PATL1: variants seen among roughly 807,000 people sequenced by gnomAD.
PATL1 encodes the protein PAT1 homolog 1, processing body mRNA decay factor, also known as protein PAT1 homolog 1.
PATL1 carries 32 observed loss-of-function variants against 100.6 expected under a neutral mutation model. The ratio of observed to expected loss-of-function variants is 0.32; its 90% CI spans 0.24 to 0.43. The LOEUF is 0.43. PATL1 is among the 20% of genes least tolerant of loss of function. The pLI is 1.00. For synonymous variants in PATL1, 332 were observed against 330.0 expected (o/e 1.01, Z -0.07); for missense variants, 747 against 949.9 (o/e 0.79, Z 2.81).
At chr11:59,668,747 G>T in intron 1 of PATL1, 134 bp downstream of exon 1, 1 of 484,154 alleles carries the variant, frequency 2.1e-6, no homozygotes, top group Non-Finnish European at 3.8e-6. Flanking sequence ...CAGACCAGTC[G>T]CGTCCAGCTA....
At chr11:59,661,397 G>A (rs1861622600) in intron 2 of PATL1, among the ~76,000 whole-genome samples, 1 of 147,500 alleles carries the variant, frequency 6.8e-6, no homozygotes, top group Non-Finnish European at 1.5e-5. Context: ...TTCTTTTCAG[G>A]TATTCAAATG....
chr11:59,663,192 A>C (rs1861649483), intron 2 of PATL1, among the ~76,000 whole-genome samples: 2 of 152,206 alleles, frequency 1.3e-5, no homozygotes, highest in South Asian at 2.1e-4. Context: ...AAATGAAGGG[A>C]AAGAGATTAT....
At position 59,647,734 on chromosome 11, in the gene PATL1, G is replaced by A. The variant is rs748420316; in HGVS notation, c.1893+20C>T. Reference sequence around the variant, plus strand: ...ACTTATAAAGACTCAAAAGAAAGATGTCCCATCTTGCATAGTCACCTCATC... The same window carrying A: ...ACTTATAAAGACTCAAAAGAAAGATATCCCATCTTGCATAGTCACCTCATC... On this transcript the variant is annotated intron_variant, in intron 15 of 18. Transcript: ENST00000300146. 10 of 1,611,978 alleles carry A rather than the reference G, an allele frequency of 6.2e-6. No homozygotes were observed. The East Asian group carries it at 1.8e-4, about 29-fold the overall frequency.
intron 18 of PATL1, among the ~76,000 whole-genome samples, chr11:59,638,680 CTTT>C (rs1217569003): frequency 6.6e-6 from 1 of 150,402 alleles, no homozygotes; most frequent in Non-Finnish European, 1.5e-5. Context: ...ATCATAACTT[CTTT>C]TTATTTATTT....
In PATL1 at chr11:59,658,896, C is replaced by G; in HGVS notation, c.396G>C (p.Leu132=). The G allele has an allele frequency of 6.5e-7, 1 of 1,549,836 alleles. No individual in the cohort carries two copies. The highest frequency in any genetic ancestry group is 1.2e-5 in the South Asian group (1 of 83,594). The stretch of plus-strand genomic sequence containing the variant: ...CAAGCAGTGGTCCTCGGATTCGCCT[C>G]AGAACTTCAGATCCATCCCAGATAC... The part of the protein sequence containing the change: ...NSSIWDGSEV[L]RRIRGPLLAQ... Residue 132 remains leucine (L), a synonymous_variant, in exon 4 of 19, where the codon CTG becomes CTC. Transcript: ENST00000300146.
rs775032839 is a variant in PATL1, at chr11:59,638,395, G to T, written c.2308C>A (p.Arg770=). 2 of 1,612,208 alleles carry T rather than the reference G, an allele frequency of 1.2e-6. No homozygotes were observed. The highest frequency in any genetic ancestry group is 3.3e-5 in the Admixed American group (2 of 59,914). The part of the protein sequence containing the change: ...ETKLQLVQGI[R] ...AGGACACATTTGGAGATCTTTTATC[G>T]TATCCCCTGAACTAGCCTAGGAGTA... Residue 770 remains arginine (R), a synonymous_variant, in exon 19 of 19, where the codon CGA becomes AGA. Coordinates refer to ENST00000300146, the MANE Select transcript of PATL1 (RefSeq NM_152716.3).
At chr11:59,648,661 CCTTGA>C (rs2134744466) in intron 14 of PATL1, among the ~76,000 whole-genome samples, 1 of 151,852 alleles carries the variant, frequency 6.6e-6, no homozygotes, top group African/African-American at 2.4e-5. Flanking sequence ...TGGTTTTGTA[CCTTGA>C]CTTTTTTCAC....
Position 59,638,520 on chromosome 11 carries a change from G to A in PATL1, c.2292-109C>T, listed in dbSNP as rs1037151085. On this transcript the variant is annotated intron_variant, in intron 18 of 18. Coordinates refer to ENST00000300146, the MANE Select transcript of PATL1 (RefSeq NM_152716.3). ...TAAGACTTCTCATAACAAAATACCC[G>A]AGATTATTTCTCTACCCTTAGCATT... 14 of 1,038,110 alleles carry A rather than the reference G, an allele frequency of 1.3e-5. 1 individual carries two copies. The highest frequency in any genetic ancestry group is 1.0e-4 in the Admixed American group (5 of 50,094). 64.3% of individuals were successfully genotyped at this position (1,038,110 alleles called of 1,614,324 possible).
At position 59,652,986 on chromosome 11, in the gene PATL1, C is replaced by T; in HGVS notation, c.1154G>A (p.Arg385Lys). The T allele has an allele frequency of 6.2e-7, 1 of 1,613,938 alleles. No homozygotes were observed. The highest frequency in any genetic ancestry group is 8.5e-7 in the Non-Finnish European group (1 of 1,179,866). The change falls in exon 10 of 19, where the codon AGA becomes AAA. Residue 385 changes from arginine to lysine, a missense_variant. This residue lies in a region of PATL1 where 434 missense variants were observed against 596.1 expected (regional missense o/e 0.73). Coordinates refer to ENST00000300146, the MANE Select transcript of PATL1 (RefSeq NM_152716.3). ...TTGATGACTGCTCCGGTGACTTCCT[C>T]TATCTCCCGCACCATTGAGATTCCG... is the stretch of plus-strand genomic sequence containing the variant. Reference protein sequence around the residue: ...QHRNLNGAGDRGSHRSSHQDH... With the variant: ...QHRNLNGAGDKGSHRSSHQDH...
At chr11:59,656,117 G>A in intron 6 of PATL1, 72 bp from the exon 7 acceptor site, 1 of 849,860 alleles carries the variant, frequency 1.2e-6, no homozygotes, top group South Asian at 2.4e-5. Context: ...AGGAAACTCA[G>A]CAGAAATGCA....
At chr11:59,656,785 G>A (rs1475489225) in intron 5 of PATL1, among the ~76,000 whole-genome samples, 185 bp from the exon 6 acceptor site, 1 of 152,184 alleles carries the variant, frequency 6.6e-6, no homozygotes, top group Non-Finnish European at 1.5e-5. Flanking sequence ...ATCAAGTAAA[G>A]TGTCAGCATT....
intron 2 of PATL1, among the ~76,000 whole-genome samples, chr11:59,663,028 G>A (rs1400693727): frequency 6.6e-6 from 1 of 152,054 alleles, no homozygotes; most frequent in Non-Finnish European, 1.5e-5. Context: ...ATCTGAAGTA[G>A]TATTTTAGAG....
At chr11:59,643,718 A>C (rs1861319329) in intron 15 of PATL1, among the ~76,000 whole-genome samples, 3 of 152,106 alleles carry the variant, frequency 2.0e-5, no homozygotes, top group African/African-American at 7.2e-5. Context: ...TTCAGATTTA[A>C]TGTATTTTCT....
intron 12 of PATL1, 107 bp downstream of exon 12, chr11:59,651,437 G>T: frequency 3.6e-6 from 3 of 834,610 alleles, no homozygotes; most frequent in Non-Finnish European, 5.7e-6. Flanking sequence ...GAGGCCCCGG[G>T]TTAGACTACA....
intron 15 of PATL1, among the ~76,000 whole-genome samples, chr11:59,644,890 CTTTTTT>C (rs71036539): frequency 6.0e-5 from 5 of 83,806 alleles, no homozygotes; most frequent in South Asian, 4.2e-4. Flanking sequence ...ACTTCGTTTC[CTTTTTT>C]TTTTTTTTTT....
intron 2 of PATL1, 73 bp from the exon 3 acceptor site, chr11:59,659,542 T>C: frequency 7.1e-7 from 1 of 1,401,834 alleles, no homozygotes; most frequent in Non-Finnish European, 9.6e-7. Context: ...TTATTGTTTT[T>C]TTTTTTTTAG....
In PATL1 at chr11:59,666,902, ATCT is replaced by A. The variant is rs1199615439; in HGVS notation, c.75_77del (p.Glu25del). On this transcript the variant is annotated inframe_deletion, in exon 2 of 19. Transcript: ENST00000300146. ...CATCATTGAATTGATCAATCTCTTC[ATCT>A]TCTTCTCCCAGTCCCTGAAATGCAT... The A allele has an allele frequency of 3.2e-6, 5 of 1,551,050 alleles. No homozygotes were observed. The highest frequency in any genetic ancestry group is 1.4e-5 in the African/African-American group (1 of 73,018).
intron 2 of PATL1, among the ~76,000 whole-genome samples, chr11:59,662,504 T>G (rs1210948740): frequency 6.6e-6 from 1 of 152,136 alleles, no homozygotes; most frequent in Non-Finnish European, 1.5e-5. Context: ...AAAATTACAG[T>G]GTTAATTTAA....
rs112986140 is a variant in PATL1, at chr11:59,647,061, G to A, written c.1893+693C>T. On this transcript the variant is annotated intron_variant, in intron 15 of 18. Transcript: ENST00000300146. ...GTGGCAAAACCCTGTCTCTACAAAA[G>A]GTAAAAAAAAAATTAGCCGAGCATG... is the stretch of plus-strand genomic sequence containing the variant. 5.9e-3 allele frequency among the ~76,000 whole-genome samples: 889 copies of A among 151,258 alleles called. 4 individuals are homozygous for A. The highest frequency in any genetic ancestry group is 0.02 in the African/African-American group (833 of 41,256).
Sources: allele counts gnomAD v4.1 joint callset (sites outside exome capture counted in the v4.1 genomes callset), GRCh38; gene constraint gnomAD v4.1.1; regional missense constraint gnomAD v4.1.1; transcripts MANE v1.5; gene names NCBI Gene and HGNC (gene_info 2026-07-23, HGNC 2026-07-21).